The following MYO7B variants were observed in gnomAD, a reference collection of about 807,000 sequenced individuals.
The protein encoded by MYO7B is unconventional myosin-VIIb.
Under a neutral mutation model 259.7 loss-of-function variants are expected in MYO7B, and 212 were observed. The ratio of observed to expected loss-of-function variants is 0.82; its 90% CI spans 0.73 to 0.91. The LOEUF is 0.91. MYO7B is among the 40% of genes least tolerant of loss of function. The probability of loss-of-function intolerance (pLI) is 0.00; values close to 1 mark genes in which losing one functional copy is unlikely to be tolerated. For missense variants in MYO7B, 2,732 were observed against 2,813.5 expected (o/e 0.97, Z 0.66); for synonymous variants, 1,197 against 1,166.4 (o/e 1.03, Z -0.54).
At chr2:127,556,414 G>C (rs1417171283) in intron 1 of MYO7B, among the ~76,000 whole-genome samples, 1 of 152,102 alleles carries the variant, frequency 6.6e-6, no homozygotes, top group Non-Finnish European at 1.5e-5. Context: ...TGAAATGTGA[G>C]GTATTATTCC....
Position 127,582,038 on chromosome 2 carries a change from A to G in MYO7B, c.1200+28A>G, listed in dbSNP as rs1679123031. 16 of 1,612,932 alleles carry G rather than the reference A, an allele frequency of 9.9e-6. No individual in the cohort carries two copies. In the Middle Eastern group the frequency reaches 2.1e-3, roughly 216 times the overall value. ...ACAGAGCTGAGAGAGCAGGGCTTAC[A>G]TGGCCATCTGTTGACCACGGCTCTG... is the stretch of plus-strand genomic sequence containing the variant. On this transcript the variant is annotated intron_variant, in intron 11 of 47. Transcript: ENST00000409816.
rs1299911751 is a variant in MYO7B at position 127,577,576 on chromosome 2, C to T, written c.850-557C>T. On this transcript the variant is annotated intron_variant, in intron 8 of 47. Coordinates refer to ENST00000409816, the MANE Select transcript of MYO7B (RefSeq NM_001393586.1). The surrounding 1 kb of genome is among the most constrained non-coding windows in gnomAD (Gnocchi z 5.2). ...CCCCGCAGCCCTGTCCCTGCCTCCC[C>T]ACCTCGTGGCCTTGCTCCCATCATC... Among the ~76,000 whole-genome samples, 1 of 152,166 alleles carries T rather than the reference C, an allele frequency of 6.6e-6. No homozygotes were observed. The highest frequency in any genetic ancestry group is 1.5e-5 in the Non-Finnish European group (1 of 68,030).
At chr2:127,563,945 A>G (rs1181361870) in intron 2 of MYO7B, among the ~76,000 whole-genome samples, 2 of 152,326 alleles carry the variant, frequency 1.3e-5, no homozygotes, top group Middle Eastern at 3.4e-3. Flanking sequence ...AGACAAAGAC[A>G]TGGAGAGAAG....
At position 127,627,421 on chromosome 2, in the gene MYO7B, G is replaced by T. The variant is rs72843379; in HGVS notation, c.4460+111G>T. 75 of 1,432,496 alleles carry T rather than the reference G, an allele frequency of 5.2e-5. No homozygotes were observed. The highest frequency in any genetic ancestry group is 6.7e-5 in the Non-Finnish European group (70 of 1,047,158). The allele number at this position is 1,432,496 out of a possible 1,614,324, so 88.7% of individuals were successfully genotyped here. On this transcript the variant is annotated intron_variant, in intron 33 of 47. Coordinates refer to ENST00000409816, the MANE Select transcript of MYO7B (RefSeq NM_001393586.1). This position sits in a 1 kb window ranked among gnomAD's most constrained non-coding sequence, Gnocchi z 5.6. ...AGTGTGCCGTCCCGGGTAACAGGCC[G>T]GGGTGGAGGGACAAGAATCTACGTA...
At chr2:127,537,700 AGGAGGAGGG>A (rs1692840534) in intron 1 of MYO7B, among the ~76,000 whole-genome samples, 2 of 151,604 alleles carry the variant, frequency 1.3e-5, no homozygotes, top group African/African-American at 4.9e-5. Context: ...GAAGAGGAGG[AGGAGGAGGG>A]GGAGGAGAAG....
rs1679502568 is a variant in MYO7B at position 127,590,104 on chromosome 2, A to G, written c.1867A>G (p.Asn623Asp). The change falls in exon 16 of 48, where the codon AAT becomes GAT. Residue 623 changes from asparagine to aspartate, a missense_variant. Around this residue, in one of 3 missense-constraint regions of MYO7B, gnomAD observed 1,906 missense variants for 2,026.4 expected, o/e 0.94. Transcript: ENST00000409816. This position sits in a 1 kb window ranked among gnomAD's most constrained non-coding sequence, Gnocchi z 4.6. ...CTTCCATTCACAGTCTGCAGACTCA[A>G]ATAAACGGCCCTCCACCTTAGGAAG... ...GNHLFKSADSNKRPSTLGSQF... is the reference protein window; with the variant it reads ...GNHLFKSADSDKRPSTLGSQF... The G allele has an allele frequency of 1.3e-6, 2 of 1,585,116 alleles. No individual in the cohort carries two copies. The highest frequency in any genetic ancestry group is 1.7e-4 in the Middle Eastern group (1 of 6,026).
chr2:127,579,338 G>A (rs1485694415), intron 9 of MYO7B, among the ~76,000 whole-genome samples: 3 of 152,180 alleles, frequency 2.0e-5, no homozygotes, highest in Non-Finnish European at 4.4e-5. Context: ...AGAGCAATGG[G>A]GTGTCCATAT....
At position 127,590,214 on chromosome 2, in the gene MYO7B, G is replaced by A; in HGVS notation, c.1977G>A (p.Glu659=). ...TCATCCGCTGCATCAAACCTAATGAGTACAAGAAGCCGCTGGTAATGACAG... is the reference window on the plus strand; with the variant it reads ...TCATCCGCTGCATCAAACCTAATGAATACAAGAAGCCGCTGGTAATGACAG... ...PYFIRCIKPN[E]YKKPLLFDRE... is the part of the protein sequence containing the mutation. The change falls in exon 16 of 48, where the codon GAG becomes GAA. Residue 659 remains glutamate, a synonymous_variant. Coordinates refer to ENST00000409816, the MANE Select transcript of MYO7B (RefSeq NM_001393586.1). This position sits in a 1 kb window ranked among gnomAD's most constrained non-coding sequence, Gnocchi z 4.6. 6.2e-7 allele frequency: 1 copy of A among 1,612,832 alleles called. No homozygotes were observed. Among genetic ancestry groups the A allele is most frequent in the Non-Finnish European group, 8.5e-7 (1 of 1,179,758 alleles).
chr2:127,548,213 C>A (rs1260488736), intron 1 of MYO7B, among the ~76,000 whole-genome samples: 1 of 152,082 alleles, frequency 6.6e-6, no homozygotes, highest in Non-Finnish European at 1.5e-5. Flanking sequence ...TCTTGGTTAG[C>A]CTGACAGAAG....
At chr2:127,558,808 G>T (rs781291469) in intron 1 of MYO7B, among the ~76,000 whole-genome samples, 1 of 152,162 alleles carries the variant, frequency 6.6e-6, no homozygotes, top group Non-Finnish European at 1.5e-5. Context: ...ACCAAACATC[G>T]TATGTTCTCA....
At chr2:127,575,407 G>A (rs1387275419) in intron 7 of MYO7B, among the ~76,000 whole-genome samples, 1 of 152,026 alleles carries the variant, frequency 6.6e-6, no homozygotes, top group Non-Finnish European at 1.5e-5. Context: ...TCTAAAGCAG[G>A]TGAGAAACAA....
Position 127,613,310 on chromosome 2 carries a change from C to A in MYO7B, c.3398+707C>A, listed in dbSNP as rs541178575. Reference sequence around the variant, plus strand: ...CTTTAGATTGGATAGTTTCTATTGACCTGTCTTCAAATTTACTGATCTTTT... The same window carrying A: ...CTTTAGATTGGATAGTTTCTATTGAACTGTCTTCAAATTTACTGATCTTTT... On this transcript the variant is annotated intron_variant, in intron 26 of 47. Transcript: ENST00000409816. The surrounding 1 kb of genome is among the most constrained non-coding windows in gnomAD (Gnocchi z 4.3). Among the ~76,000 whole-genome samples, 1 of 152,144 alleles carries A rather than the reference C, an allele frequency of 6.6e-6. No individual in the cohort carries two copies. The highest frequency in any genetic ancestry group is 6.5e-5 in the Admixed American group (1 of 15,288).
chr2:127,607,789 C>G lies in MYO7B; in HGVS notation c.2643+365C>G, dbSNP rs531597883. On this transcript the variant is annotated intron_variant, in intron 21 of 47. Transcript: ENST00000409816. This position sits in a 1 kb window ranked among gnomAD's most constrained non-coding sequence, Gnocchi z 4.4. ...GAGAGGCAGCAGGTCAATGGGACAG[C>G]CTTAGCCTTGAACCTGGAAGGTGAG... Among the ~76,000 whole-genome samples, 3 of 152,304 alleles carry G rather than the reference C, an allele frequency of 2.0e-5. No individual in the cohort carries two copies. Among genetic ancestry groups the G allele is most frequent in the African/African-American group, 7.2e-5 (3 of 41,556 alleles).
intron 1 of MYO7B, among the ~76,000 whole-genome samples, chr2:127,543,604 C>T (rs1262024915): frequency 1.3e-5 from 2 of 151,962 alleles, no homozygotes; most frequent in Admixed American, 1.3e-4. Flanking sequence ...AAGTCTCTTC[C>T]CTCCTTCCAC....
In MYO7B at chr2:127,615,730, G is replaced by C. The variant is rs1250460359; in HGVS notation, c.3398+3127G>C. Among the ~76,000 whole-genome samples the C allele has an allele frequency of 6.6e-6, 1 of 151,818 alleles. No individual in the cohort carries two copies. Among genetic ancestry groups the C allele is most frequent in the Non-Finnish European group, 1.5e-5 (1 of 67,982 alleles). On this transcript the variant is annotated intron_variant, in intron 26 of 47. Coordinates refer to ENST00000409816, the MANE Select transcript of MYO7B (RefSeq NM_001393586.1). This position sits in a 1 kb window ranked among gnomAD's most constrained non-coding sequence, Gnocchi z 4.4. ...GCTGTTTGCTCATATAGCCTCCAGT[G>C]GTATACTAGATCACGACTCTCACTC...
intron 31 of MYO7B, chr2:127,626,638 G>C (rs1027153693): frequency 4.9e-6 from 1 of 206,178 alleles, no homozygotes; most frequent in Admixed American, 5.5e-5. Context: ...AATTAGCCAG[G>C]CGCAGTGGCA....
intron 21 of MYO7B, among the ~76,000 whole-genome samples, chr2:127,608,104 C>T (rs1573685560): frequency 6.6e-6 from 1 of 152,200 alleles, no homozygotes; most frequent in Non-Finnish European, 1.5e-5. Flanking sequence ...TCAACCTTCA[C>T]ACTTGGCTCA....
chr2:127,635,235 C>A lies in MYO7B; in HGVS notation c.5820+9C>A. 1 of 1,608,942 alleles carries A rather than the reference C, an allele frequency of 6.2e-7. No individual in the cohort carries two copies. The highest frequency in any genetic ancestry group is 8.5e-7 in the Non-Finnish European group (1 of 1,176,896). On this transcript the variant is annotated intron_variant, in intron 43 of 47. Transcript: ENST00000409816. ...TACTCCATTACCACCAGGTACCGGG[C>A]AGGCTGCCCTGGTGGGCACTGGGGC... is the stretch of plus-strand genomic sequence containing the variant.
intron 47 of MYO7B, 98 bp from the exon 48 acceptor site, chr2:127,637,218 C>T (rs963673364): frequency 2.1e-5 from 21 of 978,294 alleles, no homozygotes; most frequent in Non-Finnish European, 3.2e-5. Flanking sequence ...CCATGCCCTG[C>T]ACTGCTGGTT....
Sources: gnomAD v4.1 joint callset for allele counts (sites outside exome capture counted in the v4.1 genomes callset) on GRCh38, gnomAD v4.1.1 for gene constraint, gnomAD v4.1.1 regional missense constraint, Gnocchi (gnomAD v3.1) non-coding constraint, MANE v1.5 for transcripts, NCBI Gene and HGNC (gene_info 2026-07-23, HGNC 2026-07-21) for gene names.